NANOS1: variants seen among roughly 807,000 people sequenced by gnomAD.
NANOS1 encodes nanos C2HC-type zinc finger 1, also known as nanos homolog 1.
A neutral mutation model predicts 1.1 loss-of-function variants in NANOS1; 1 was observed. That is an observed-to-expected ratio of 0.88 (90% CI 0.31 to 4.20). The LOEUF (loss-of-function observed/expected upper bound fraction) is 4.20, where lower values mean the gene tolerates loss of function less well. Among genes scored for constraint, NANOS1 ranks in the 30% most tolerant of loss-of-function variants. The pLI is 0.17. For synonymous variants in NANOS1, 252 were observed against 230.6 expected (o/e 1.09, Z -0.84); for missense variants, 537 against 457.9 (o/e 1.17, Z -1.58).
chr10:119,030,436 A>C lies in NANOS1; in HGVS notation c.635A>C (p.Gln212Pro), dbSNP rs770873697. The change falls in exon 1 of 1, where the codon CAG becomes CCG. Residue 212 changes from glutamine (Q) to proline (P), a missense_variant. Physicochemically the swap from Gln to Pro is moderately conservative, Grantham distance 76. Coordinates refer to ENST00000425699, the MANE Select transcript of NANOS1 (RefSeq NM_199461.4). This position sits in a 1 kb window ranked among gnomAD's most constrained non-coding sequence, Gnocchi z 5.3. ...GCCCGGCTGCTGAAGCCCGAGCTGC[A>C]GGTGTGCGTGTTCTGCCGGAACAAC... ...AAARLLKPEL[Q>P]VCVFCRNNKE... The C allele has an allele frequency of 2.4e-5, 33 of 1,392,478 alleles. No individual in the cohort carries two copies. The Admixed American group carries it at 6.6e-4, about 28-fold the overall frequency. The allele number at this position is 1,392,478 out of a possible 1,614,324, so 86.3% of individuals were successfully genotyped here.
Position 119,030,797 on chromosome 10 carries a change from C to G in NANOS1, c.*117C>G. Reference sequence around the variant, plus strand: ...GCTCAGCGGTCGGCTCGACATGGGACGTCGTCCTGGTGGTTTTTGAAAAGC... The same window carrying G: ...GCTCAGCGGTCGGCTCGACATGGGAGGTCGTCCTGGTGGTTTTTGAAAAGC... On this transcript the variant is annotated 3_prime_UTR_variant, in exon 1 of 1. Transcript: ENST00000425699. This position sits in a 1 kb window ranked among gnomAD's most constrained non-coding sequence, Gnocchi z 5.3. 1 of 1,217,858 alleles carries G rather than the reference C, an allele frequency of 8.2e-7. No homozygotes were observed. The highest frequency in any genetic ancestry group is 3.5e-5 in the East Asian group (1 of 28,720). 75.4% of individuals were successfully genotyped at this position (1,217,858 alleles called of 1,614,324 possible).
rs3215953 is a variant in NANOS1 at position 119,032,266 on chromosome 10, TAAATACC to T, written c.*1587_*1593del. 0.33 allele frequency: 55,774 copies of T among 166,522 alleles called. 9,895 individuals are homozygous for T. The highest frequency in any genetic ancestry group is 0.4 in the Non-Finnish European group (27,075 of 67,804). 10.3% of individuals were successfully genotyped at this position (166,522 alleles called of 1,614,324 possible). On this transcript the variant is annotated 3_prime_UTR_variant, in exon 1 of 1. Coordinates refer to ENST00000425699, the MANE Select transcript of NANOS1 (RefSeq NM_199461.4). ...TTTGAAGGTGTGTTAGAGGATGGGG[TAAATACC>T]CGATAGCTGTCTTTTTGGTGAAAGA...
rs191267549 is a variant in NANOS1 at position 119,029,901 on chromosome 10, C to A, written c.100C>A (p.Pro34Thr). 0.048 allele frequency: 65,885 copies of A among 1,386,522 alleles called. 1,823 individuals carry two copies. The highest frequency in any genetic ancestry group is 0.054 in the Non-Finnish European group (57,178 of 1,066,052). The allele number at this position is 1,386,522 out of a possible 1,614,324, so 85.9% of individuals were successfully genotyped here. The change falls in exon 1 of 1, where the codon CCG becomes ACG. Residue 34 changes from proline to threonine, a missense_variant. By Grantham distance (38) the Pro-to-Thr change is conservative (BLOSUM62 -1). Transcript: ENST00000425699. ...PSARYVSAPG[P>T]AHPQPFSSWN... ...CGCCCGCTACGTGAGCGCCCCGGGCCCGGCGCACCCGCAGCCCTTCAGCTC... is the reference window on the plus strand; with the variant it reads ...CGCCCGCTACGTGAGCGCCCCGGGCACGGCGCACCCGCAGCCCTTCAGCTC...
Position 119,030,854 on chromosome 10 carries a change from C to A in NANOS1, c.*174C>A. 2 of 894,460 alleles carry A rather than the reference C, an allele frequency of 2.2e-6. No individual in the cohort carries two copies. Among genetic ancestry groups the A allele is most frequent in the Non-Finnish European group, 3.0e-6 (2 of 674,278 alleles). 55.4% of individuals were successfully genotyped at this position (894,460 alleles called of 1,614,324 possible). A position where few individuals can be genotyped will look rare whatever the true frequency, so the allele number is the denominator to read the frequency against. ...CCGTGTGGAGTACTTCCGTGCTGAA[C>A]GATTGGGACTAGACGCTGAAATCCC... On this transcript the variant is annotated 3_prime_UTR_variant, in exon 1 of 1. Coordinates refer to ENST00000425699, the MANE Select transcript of NANOS1 (RefSeq NM_199461.4). This position sits in a 1 kb window ranked among gnomAD's most constrained non-coding sequence, Gnocchi z 5.3.
chr10:119,030,346 G>T lies in NANOS1; in HGVS notation c.545G>T (p.Arg182Leu). 3.5e-6 allele frequency: 4 copies of T among 1,132,448 alleles called. No homozygotes were observed. The highest frequency in any genetic ancestry group is 4.3e-6 in the Non-Finnish European group (4 of 926,620). The allele number at this position is 1,132,448 out of a possible 1,614,324, so 70.1% of individuals were successfully genotyped here. ...AATTTSEATPREERAPAWAAE... is the reference protein window; with the variant it reads ...AATTTSEATPLEERAPAWAAE... ...ACCACCACCAGCGAGGCGACGCCGC[G>T]CGAGGAGCGGGCCCCGGCGTGGGCG... Residue 182 changes from arginine (R) to leucine (L), a missense_variant, in exon 1 of 1, where the codon CGC becomes CTC. By Grantham distance (102) the Arg-to-Leu change is moderately radical. Coordinates refer to ENST00000425699, the MANE Select transcript of NANOS1 (RefSeq NM_199461.4). The surrounding 1 kb of genome is among the most constrained non-coding windows in gnomAD (Gnocchi z 5.3).
chr10:119,030,477 C>A lies in NANOS1; in HGVS notation c.676C>A (p.Leu226Ile). 1 of 1,501,104 alleles carries A rather than the reference C, an allele frequency of 6.7e-7. No individual in the cohort carries two copies. Among genetic ancestry groups the A allele is most frequent in the Non-Finnish European group, 8.9e-7 (1 of 1,126,500 alleles). 93.0% of individuals were successfully genotyped at this position (1,501,104 alleles called of 1,614,324 possible). A position where few individuals can be genotyped will look rare whatever the true frequency, so the allele number is the denominator to read the frequency against. Residue 226 changes from leucine to isoleucine, a missense_variant, in exon 1 of 1, where the codon CTC becomes ATC. Physicochemically the swap from Leu to Ile is conservative, Grantham distance 5. Transcript: ENST00000425699. This position sits in a 1 kb window ranked among gnomAD's most constrained non-coding sequence, Gnocchi z 5.3. Reference protein sequence around the residue: ...FCRNNKEAMALYTTHILKGPD... With the variant: ...FCRNNKEAMAIYTTHILKGPD... ...CCGGAACAACAAGGAGGCGATGGCG[C>A]TCTACACCACCCATATCCTCAAGGG...
chr10:119,029,924 C>A lies in NANOS1; in HGVS notation c.123C>A (p.Ser41Arg). 7.0e-7 allele frequency: 1 copy of A among 1,429,492 alleles called. No individual in the cohort carries two copies. Among genetic ancestry groups the A allele is most frequent in the Non-Finnish European group, 9.2e-7 (1 of 1,090,556 alleles). The allele number at this position is 1,429,492 out of a possible 1,614,324, so 88.6% of individuals were successfully genotyped here. A position where few individuals can be genotyped will look rare whatever the true frequency, so the allele number is the denominator to read the frequency against. ...APGPAHPQPF[S>R]SWNDYLGLAT... ...GCCCGGCGCACCCGCAGCCCTTCAG[C>A]TCCTGGAACGACTACCTGGGGCTCG... The change falls in exon 1 of 1, where the codon AGC (serine) becomes AGA (arginine). Residue 41 changes from serine to arginine, a missense_variant. By Grantham distance (110) the Ser-to-Arg change is moderately radical. Coordinates refer to ENST00000425699, the MANE Select transcript of NANOS1 (RefSeq NM_199461.4).
At position 119,031,527 on chromosome 10, in the gene NANOS1, C is replaced by T. The variant is rs527270506; in HGVS notation, c.*847C>T. ...TAACAGTATGAATTCATTAATCTCA[C>T]CTGTAACTTTCCTACTTGGCATTTT... On this transcript the variant is annotated 3_prime_UTR_variant, in exon 1 of 1. Coordinates refer to ENST00000425699, the MANE Select transcript of NANOS1 (RefSeq NM_199461.4). 6 of 167,102 alleles carry T rather than the reference C, an allele frequency of 3.6e-5. No individual in the cohort carries two copies. The highest frequency in any genetic ancestry group is 4.2e-4 in the South Asian group (2 of 4,818). 10.4% of individuals were successfully genotyped at this position (167,102 alleles called of 1,614,324 possible).
rs2119806765 is a variant in NANOS1, at chr10:119,030,115, A to G, written c.314A>G (p.Tyr105Cys). 2 of 1,330,882 alleles carry G rather than the reference A, an allele frequency of 1.5e-6. No homozygotes were observed. Among genetic ancestry groups the G allele is most frequent in the Middle Eastern group, 2.2e-4 (1 of 4,488 alleles). The allele number at this position is 1,330,882 out of a possible 1,614,324, so 82.4% of individuals were successfully genotyped here. A position where few individuals can be genotyped will look rare whatever the true frequency, so the allele number is the denominator to read the frequency against. ...GGGCCGGCGCTGGGGCCGCCCGACT[A>G]CGACGAGGACGACGACGACGACAGC... Reference protein sequence around the residue: ...ALGPALGPPDYDEDDDDDSDE... With the variant: ...ALGPALGPPDCDEDDDDDSDE... The change falls in exon 1 of 1, where the codon TAC becomes TGC. Residue 105 changes from tyrosine (Y) to cysteine (C), a missense_variant. Coordinates refer to ENST00000425699, the MANE Select transcript of NANOS1 (RefSeq NM_199461.4). The surrounding 1 kb of genome is among the most constrained non-coding windows in gnomAD (Gnocchi z 5.3).
Position 119,033,590 on chromosome 10 carries a change from TTTTA to T in NANOS1, c.*2914_*2917del, listed in dbSNP as rs1256906735. On this transcript the variant is annotated 3_prime_UTR_variant, in exon 1 of 1. Transcript: ENST00000425699. ...GTACAGACTTAAAATTTCTAGTGGC[TTTTA>T]TTTTTCTTTGTATTTTAATTTTCCT... The T allele has an allele frequency of 1.8e-5, 3 of 167,060 alleles. No homozygotes were observed. The highest frequency in any genetic ancestry group is 2.1e-4 in the South Asian group (1 of 4,834). 10.3% of individuals were successfully genotyped at this position (167,060 alleles called of 1,614,324 possible). A position where few individuals can be genotyped will look rare whatever the true frequency, so the allele number is the denominator to read the frequency against.
At position 119,030,346 on chromosome 10, in the gene NANOS1, G is replaced by C. The variant is rs1353169737; in HGVS notation, c.545G>C (p.Arg182Pro). The change falls in exon 1 of 1, where the codon CGC becomes CCC. Residue 182 changes from arginine to proline, a missense_variant. Transcript: ENST00000425699. The surrounding 1 kb of genome is among the most constrained non-coding windows in gnomAD (Gnocchi z 5.3). ...AATTTSEATP[R>P]EERAPAWAAE... The stretch of plus-strand genomic sequence containing the variant: ...ACCACCACCAGCGAGGCGACGCCGC[G>C]CGAGGAGCGGGCCCCGGCGTGGGCG... The C allele has an allele frequency of 4.4e-6, 5 of 1,132,330 alleles. No homozygotes were observed. The highest frequency in any genetic ancestry group is 5.4e-6 in the Non-Finnish European group (5 of 926,628). 70.1% of individuals were successfully genotyped at this position (1,132,330 alleles called of 1,614,324 possible).
chr10:119,030,769 G>GCGGCTCAGCGGT lies in NANOS1; in HGVS notation c.*96_*107dup, dbSNP rs1275981507. 1.6e-6 allele frequency: 2 copies of GCGGCTCAGCGGT among 1,237,806 alleles called. No individual in the cohort carries two copies. Among genetic ancestry groups the GCGGCTCAGCGGT allele is most frequent in the East Asian group, 3.4e-5 (1 of 29,192 alleles). The allele number at this position is 1,237,806 out of a possible 1,614,324, so 76.7% of individuals were successfully genotyped here. A position where few individuals can be genotyped will look rare whatever the true frequency, so the allele number is the denominator to read the frequency against. Reference sequence around the variant, plus strand: ...TCTCGCCCCCGCCGTGGGGAGGCGTGCGGCTCAGCGGTCGGCTCGACATGG... The same window carrying GCGGCTCAGCGGT: ...TCTCGCCCCCGCCGTGGGGAGGCGTGCGGCTCAGCGGTCGGCTCAGCGGTCGGCTCGACATGG... On this transcript the variant is annotated 3_prime_UTR_variant, in exon 1 of 1. Coordinates refer to ENST00000425699, the MANE Select transcript of NANOS1 (RefSeq NM_199461.4). The surrounding 1 kb of genome is among the most constrained non-coding windows in gnomAD (Gnocchi z 5.3).
rs1382390601 is a variant in NANOS1 at position 119,032,543 on chromosome 10, T to C, written c.*1863T>C. ...GTGAAGTTTCTAAGGTCAACATGAATCCTCTTACCTCTCTCACTGCTCGTG... is the reference window on the plus strand; with the variant it reads ...GTGAAGTTTCTAAGGTCAACATGAACCCTCTTACCTCTCTCACTGCTCGTG... On this transcript the variant is annotated 3_prime_UTR_variant, in exon 1 of 1. Coordinates refer to ENST00000425699, the MANE Select transcript of NANOS1 (RefSeq NM_199461.4). The C allele has an allele frequency of 6.0e-6, 1 of 167,124 alleles. No individual in the cohort carries two copies. The highest frequency in any genetic ancestry group is 2.4e-5 in the African/African-American group (1 of 41,460). The allele number at this position is 167,124 out of a possible 1,614,324, so 10.4% of individuals were successfully genotyped here. A position where few individuals can be genotyped will look rare whatever the true frequency, so the allele number is the denominator to read the frequency against.
Position 119,031,357 on chromosome 10 carries a change from C to CA in NANOS1, c.*678dup, listed in dbSNP as rs1848046850. The CA allele has an allele frequency of 6.0e-6, 1 of 167,110 alleles. No individual in the cohort carries two copies. Among genetic ancestry groups the CA allele is most frequent in the Non-Finnish European group, 1.5e-5 (1 of 68,116 alleles). The allele number at this position is 167,110 out of a possible 1,614,324, so 10.4% of individuals were successfully genotyped here. ...TGCACAATGTGTAGCAGGTAGAATA[C>CA]AGCTCCTTATCGTTCTATGTACCAG... On this transcript the variant is annotated 3_prime_UTR_variant, in exon 1 of 1. Transcript: ENST00000425699.
chr10:119,030,304 C>G lies in NANOS1; in HGVS notation c.503C>G (p.Ala168Gly). Reference protein sequence around the residue: ...AAAVLLGCAPAAAAAATTTSE... With the variant: ...AAAVLLGCAPGAAAAATTTSE... Reference sequence around the variant, plus strand: ...GCCGTGCTGCTGGGCTGCGCGCCCGCCGCCGCCGCCGCCGCCACCACCACC... The same window carrying G: ...GCCGTGCTGCTGGGCTGCGCGCCCGGCGCCGCCGCCGCCGCCACCACCACC... The change falls in exon 1 of 1, where the codon GCC becomes GGC. Residue 168 changes from alanine (A) to glycine (G), a missense_variant. By Grantham distance (60) the Ala-to-Gly change is moderately conservative. Transcript: ENST00000425699. The surrounding 1 kb of genome is among the most constrained non-coding windows in gnomAD (Gnocchi z 5.3). 2 of 1,132,930 alleles carry G rather than the reference C, an allele frequency of 1.8e-6. No individual in the cohort carries two copies. The highest frequency in any genetic ancestry group is 2.2e-6 in the Non-Finnish European group (2 of 925,860). The allele number at this position is 1,132,930 out of a possible 1,614,324, so 70.2% of individuals were successfully genotyped here. A position where few individuals can be genotyped will look rare whatever the true frequency, so the allele number is the denominator to read the frequency against.
In NANOS1 at chr10:119,030,620, GC is replaced by G. The variant is rs1490227868; in HGVS notation, c.822del (p.Ala275ProfsTer76). On this transcript the variant is annotated frameshift_variant, in exon 1 of 1. Coordinates refer to ENST00000425699, the MANE Select transcript of NANOS1 (RefSeq NM_199461.4). LOFTEE classifies it high-confidence loss of function. The surrounding 1 kb of genome is among the most constrained non-coding windows in gnomAD (Gnocchi z 5.3). ...YCPLSKVPPP[P>X]ARPPPRSARD... Reference sequence around the variant, plus strand: ...GCCCGCTCTCCAAAGTGCCGCCGCCGCCCGCCCGCCCGCCGCCCCGCAGCGC... The same window carrying G: ...GCCCGCTCTCCAAAGTGCCGCCGCCGCCGCCCGCCCGCCGCCCCGCAGCGC... 2.8e-6 allele frequency: 4 copies of G among 1,439,878 alleles called. No individual in the cohort carries two copies. Among genetic ancestry groups the G allele is most frequent in the South Asian group, 1.5e-5 (1 of 66,674 alleles). The allele number at this position is 1,439,878 out of a possible 1,614,324, so 89.2% of individuals were successfully genotyped here. A position where few individuals can be genotyped will look rare whatever the true frequency, so the allele number is the denominator to read the frequency against.
chr10:119,030,595 G>A lies in NANOS1; in HGVS notation c.794G>A (p.Cys265Tyr). The A allele has an allele frequency of 1.3e-6, 2 of 1,505,448 alleles. No individual in the cohort carries two copies. The highest frequency in any genetic ancestry group is 1.8e-6 in the Non-Finnish European group (2 of 1,130,320). The allele number at this position is 1,505,448 out of a possible 1,614,324, so 93.3% of individuals were successfully genotyped here. A position where few individuals can be genotyped will look rare whatever the true frequency, so the allele number is the denominator to read the frequency against. The change falls in exon 1 of 1, where the codon TGC becomes TAC. Residue 265 changes from cysteine (C) to tyrosine (Y), a missense_variant. By Grantham distance (194) the Cys-to-Tyr change is radical (BLOSUM62 -2). Transcript: ENST00000425699. This position sits in a 1 kb window ranked among gnomAD's most constrained non-coding sequence, Gnocchi z 5.3. Reference sequence around the variant, plus strand: ...GACAACGCGCACACCATCAAGTACTGCCCGCTCTCCAAAGTGCCGCCGCCG... The same window carrying A: ...GACAACGCGCACACCATCAAGTACTACCCGCTCTCCAAAGTGCCGCCGCCG... The part of the protein sequence containing the change: ...SGDNAHTIKY[C>Y]PLSKVPPPPA...
chr10:119,029,723 C>G lies in NANOS1; in HGVS notation c.-79C>G. On this transcript the variant is annotated 5_prime_UTR_variant, in exon 1 of 1. Coordinates refer to ENST00000425699, the MANE Select transcript of NANOS1 (RefSeq NM_199461.4). The stretch of plus-strand genomic sequence containing the variant: ...GCGGCGGCCCCACCCCGCGGCAGGC[C>G]GGCGGGCAGGCTCGGCGTGTCCCTT... 1 of 765,140 alleles carries G rather than the reference C, an allele frequency of 1.3e-6. No homozygotes were observed. The highest frequency in any genetic ancestry group is 1.6e-6 in the Non-Finnish European group (1 of 631,862). 47.4% of individuals were successfully genotyped at this position (765,140 alleles called of 1,614,324 possible). A position where few individuals can be genotyped will look rare whatever the true frequency, so the allele number is the denominator to read the frequency against.
rs1202453825 is a variant in NANOS1, at chr10:119,031,912, A to G, written c.*1232A>G. 2 of 167,116 alleles carry G rather than the reference A, an allele frequency of 1.2e-5. No homozygotes were observed. The highest frequency in any genetic ancestry group is 2.9e-5 in the Non-Finnish European group (2 of 68,124). The allele number at this position is 167,116 out of a possible 1,614,324, so 10.4% of individuals were successfully genotyped here. On this transcript the variant is annotated 3_prime_UTR_variant, in exon 1 of 1. Transcript: ENST00000425699. ...TTTCCGGAACCCCACCAGTTTACCC[A>G]TAAGCAAGACTAAACCTGATCCTTG... is the stretch of plus-strand genomic sequence containing the variant.
Sources: gnomAD v4.1 joint callset for allele counts on GRCh38, gnomAD v4.1.1 for gene constraint, Gnocchi (gnomAD v3.1) non-coding constraint, MANE v1.5 for transcripts, NCBI Gene and HGNC (gene_info 2026-07-23, HGNC 2026-07-21) for gene names.